KPNA7: variants seen among roughly 807,000 people sequenced by gnomAD.
KPNA7 encodes karyopherin subunit alpha 7, also known as importin subunit alpha-8.
KPNA7 carries 54 observed loss-of-function variants against 53.7 expected under a neutral mutation model. The observed-to-expected ratio is 1.01, with a 90% confidence interval of 0.81 to 1.26. The LOEUF is 1.26. Ranked by LOEUF, KPNA7 falls within the 50% of genes most tolerant of loss-of-function variation. The pLI, the probability that KPNA7 is intolerant of heterozygous loss-of-function variation, is 0.00. For missense variants in KPNA7, 640 were observed against 644.5 expected (o/e 0.99, Z 0.07); for synonymous variants, 276 against 259.3 (o/e 1.06, Z -0.62).
chr7:99,172,879 A>G (rs1042959265), downstream of KPNA7, among the ~76,000 whole-genome samples: 4 of 151,994 alleles, frequency 2.6e-5, no homozygotes, highest in Non-Finnish European at 1.5e-5. Context: ...CCTGGTCAAC[A>G]TGGTGAAACC....
chr7:99,215,364 T>G (rs1322750288), intron 1 of KPNA7, among the ~76,000 whole-genome samples: 1 of 79,694 alleles, frequency 1.3e-5, no homozygotes, highest in Admixed American at 2.1e-4. Flanking sequence ...AGAGCGAGAC[T>G]GTCTCAAAAA....
At chr7:99,197,605 T>G (rs1033935018) in intron 3 of KPNA7, among the ~76,000 whole-genome samples, 1 of 152,104 alleles carries the variant, frequency 6.6e-6, no homozygotes, top group African/African-American at 2.4e-5. Flanking sequence ...TCACACTAAA[T>G]AGAGAATATC....
chr7:99,209,682 CAAAAAAAAAAAAAAAAAA>C (rs60377276), upstream of KPNA7, among the ~76,000 whole-genome samples: 2 of 73,520 alleles, frequency 2.7e-5, no homozygotes, highest in Non-Finnish European at 4.8e-5. Context: ...GACTCCAACT[CAAAAAAAAAAAAAAAAAA>C]AAAAAAAAAA....
At chr7:99,180,251 T>G (rs1799108397) in intron 9 of KPNA7, among the ~76,000 whole-genome samples, 1 of 152,076 alleles carries the variant, frequency 6.6e-6, no homozygotes, top group African/African-American at 2.4e-5. Context: ...CCTGTAATCC[T>G]AGCACTTTGG....
intron 1 of KPNA7, among the ~76,000 whole-genome samples, chr7:99,218,684 T>C (rs1791272144): frequency 6.6e-6 from 1 of 152,178 alleles, no homozygotes; most frequent in South Asian, 2.1e-4. Flanking sequence ...CTGGCTGATT[T>C]CAACAGAGAC....
chr7:99,208,683 G>C (rs563235609), upstream of KPNA7, among the ~76,000 whole-genome samples: 1 of 152,300 alleles, frequency 6.6e-6, no homozygotes, highest in Admixed American at 6.5e-5. Context: ...TGGGATTACA[G>C]GCATGAACCT....
intron 9 of KPNA7, among the ~76,000 whole-genome samples, chr7:99,180,101 T>TA (rs1799101155): frequency 6.6e-6 from 1 of 152,162 alleles, no homozygotes; most frequent in African/African-American, 2.4e-5. Context: ...TTAGACCCCT[T>TA]ACTCATAGGA....
At chr7:99,194,948 T>A (rs776992719) in intron 5 of KPNA7, 122 bp downstream of exon 5, 2 of 1,200,722 alleles carry the variant, frequency 1.7e-6, no homozygotes, top group Non-Finnish European at 2.3e-6. Flanking sequence ...TTGCCAGCAC[T>A]TCTAGGTATT....
At chr7:99,182,627 C>T (rs891384976) in intron 8 of KPNA7, among the ~76,000 whole-genome samples, 19 of 152,078 alleles carry the variant, frequency 1.2e-4, no homozygotes, top group Non-Finnish European at 2.2e-4. Flanking sequence ...GAACCCCCTG[C>T]CCGGCTCCTG....
chr7:99,212,556 C>T (rs2150787607), upstream of KPNA7, among the ~76,000 whole-genome samples: 1 of 151,976 alleles, frequency 6.6e-6, no homozygotes, highest in East Asian at 1.9e-4. Context: ...GCATGGCTTA[C>T]TTTTAAGTAA....
At chr7:99,207,542 T>A (rs577011172) in intron 1 of KPNA7, 53 bp from the exon 2 acceptor site, 2 of 933,040 alleles carry the variant, frequency 2.1e-6, no homozygotes, top group Non-Finnish European at 3.4e-6. Flanking sequence ...TGTGGGTTAT[T>A]ATGTCAGTAT....
chr7:99,162,037 ATTT>A, the KPNA7 span, among the ~76,000 whole-genome samples: 885 of 106,894 alleles, frequency 8.3e-3, 9 homozygotes, highest in African/African-American at 0.031. Context: ...CAAGATTGCA[ATTT>A]TTTTTTTTTT....
chr7:99,203,353 G>A, intron 2 of KPNA7, 113 bp from the exon 3 acceptor site: 2 of 1,054,432 alleles, frequency 1.9e-6, no homozygotes, highest in South Asian at 3.2e-5. Context: ...CAATAGGCTG[G>A]AAAAGTTCAG....
At chr7:99,208,504 C>A (rs951699767), upstream of KPNA7, among the ~76,000 whole-genome samples, 5 of 152,176 alleles carry the variant, frequency 3.3e-5, no homozygotes, top group African/African-American at 1.2e-4. Context: ...GATCCACCCA[C>A]CTCGGCCTCC....
chr7:99,178,887 A>T (rs1799035989), intron 9 of KPNA7, among the ~76,000 whole-genome samples: 1 of 148,994 alleles, frequency 6.7e-6, no homozygotes, highest in African/African-American at 2.5e-5. Context: ...GGTTCAAGAG[A>T]TTCTCCTGCC....
chr7:99,195,434 A>C, intron 4 of KPNA7, 96 bp from the exon 5 acceptor site: 1 of 1,190,116 alleles, frequency 8.4e-7, no homozygotes, highest in African/African-American at 1.5e-5. Context: ...CACACCTGTA[A>C]TCTCAGCACT....
chr7:99,195,320 T>G lies in KPNA7; in HGVS notation c.303A>C (p.Glu101Asp). 2 of 1,551,486 alleles carry G rather than the reference T, an allele frequency of 1.3e-6. No homozygotes were observed. The highest frequency in any genetic ancestry group is 8.7e-7 in the Non-Finnish European group (1 of 1,146,888). The change falls in exon 5 of 11, where the codon GAA becomes GAC. Residue 101 changes from glutamate to aspartate, a missense_variant. Glu to Asp is a conservative substitution (Grantham distance 45). Transcript: ENST00000327442. ...TGACCAGTTTCAGAGGGGGGTTCTT[T>G]TCCTGGGATAGCATTTTCCTATGCA... ...TQTARKMLSQ[E>D]KNPPLKLVIE...
chr7:99,193,018 C>CCGGCAGGGTG lies in KPNA7; in HGVS notation c.627_636dup (p.Ile213HisfsTer47). On this transcript the variant is annotated frameshift_variant and splice_region_variant. Transcript: ENST00000327442. LOFTEE classifies it high-confidence loss of function. ...AAAAAGAGAAAGAAAAAGACACTTA[C>CCGGCAGGGTG]CGGCAGGGTGGGTGAAATCAAGGCT... 1 of 1,493,814 alleles carries CCGGCAGGGTG rather than the reference C, an allele frequency of 6.7e-7. No homozygotes were observed. Among genetic ancestry groups the CCGGCAGGGTG allele is most frequent in the Non-Finnish European group, 8.9e-7 (1 of 1,123,498 alleles). 92.5% of individuals were successfully genotyped at this position (1,493,814 alleles called of 1,614,324 possible). A position where few individuals can be genotyped will look rare whatever the true frequency, so the allele number is the denominator to read the frequency against.
intron 8 of KPNA7, among the ~76,000 whole-genome samples, chr7:99,183,862 T>C (rs1789422629): frequency 6.6e-6 from 1 of 152,172 alleles, no homozygotes; most frequent in South Asian, 2.1e-4. Flanking sequence ...TTTTTGTTTT[T>C]TTGCGACAGT....
Sources: gnomAD v4.1 joint callset for allele counts (sites outside exome capture counted in the v4.1 genomes callset) on GRCh38, gnomAD v4.1.1 for gene constraint, MANE v1.5 for transcripts, NCBI Gene and HGNC (gene_info 2026-07-23, HGNC 2026-07-21) for gene names.